TRAPPC9: variants seen among roughly 807,000 people sequenced by gnomAD.
The protein encoded by TRAPPC9 is trafficking protein particle complex subunit 9, also known as IKK2 binding protein.
Under a neutral mutation model 124.0 loss-of-function variants are expected in TRAPPC9, and 83 were observed. That is an observed-to-expected ratio of 0.67 (90% confidence interval 0.56 to 0.80). TRAPPC9 has a LOEUF of 0.80. Among genes scored for constraint, TRAPPC9 ranks in the 30% least tolerant of loss-of-function variants. The pLI, the probability that TRAPPC9 is intolerant of heterozygous loss-of-function variation, is 0.00. For synonymous variants in TRAPPC9, 638 were observed against 617.5 expected (o/e 1.03, Z -0.49); for missense variants, 1,302 against 1,508.3 (o/e 0.86, Z 2.27).
At chr8:140,265,846 T>C (rs2064633331) in intron 15 of TRAPPC9, among the ~76,000 whole-genome samples, 1 of 152,218 alleles carries the variant, frequency 6.6e-6, no homozygotes, top group Non-Finnish European at 1.5e-5. Flanking sequence ...GATGCTGTGG[T>C]ACAACATTCA....
intron 17 of TRAPPC9, among the ~76,000 whole-genome samples, chr8:140,188,246 C>A (rs2062395928): frequency 6.6e-6 from 1 of 152,184 alleles, no homozygotes; most frequent in African/African-American, 2.4e-5. Context: ...TTTAAACAAT[C>A]CCTGGTATCC....
intron 18 of TRAPPC9, among the ~76,000 whole-genome samples, chr8:139,998,128 T>TA (rs1387443542): frequency 6.6e-6 from 1 of 152,202 alleles, no homozygotes; most frequent in Non-Finnish European, 1.5e-5. Context: ...AGAATCCTCA[T>TA]AAAAAACCAC....
intron 16 of TRAPPC9, among the ~76,000 whole-genome samples, chr8:140,234,670 A>AAC (rs1229446925): frequency 1.2e-4 from 18 of 152,348 alleles, no homozygotes; most frequent in African/African-American, 4.1e-4. Context: ...ATTAGAAGAG[A>AAC]ACATTAAGAA....
chr8:139,977,173 G>A (rs1318820716), intron 19 of TRAPPC9, among the ~76,000 whole-genome samples: 1 of 152,180 alleles, frequency 6.6e-6, no homozygotes, highest in Non-Finnish European at 1.5e-5. Flanking sequence ...CTGGGGACGA[G>A]AGGGCTTGAA....
chr8:140,356,554 T>C (rs1316834819), intron 9 of TRAPPC9, among the ~76,000 whole-genome samples: 2 of 149,566 alleles, frequency 1.3e-5, no homozygotes, highest in Non-Finnish European at 2.9e-5. Flanking sequence ...AAAAACACGA[T>C]GCAGCATACG....
chr8:139,977,677 A>G (rs1368794874), intron 19 of TRAPPC9, among the ~76,000 whole-genome samples: 2 of 148,230 alleles, frequency 1.3e-5, no homozygotes, highest in African/African-American at 2.5e-5. Context: ...TCATTCATTC[A>G]TTCATTCATT....
chr8:140,349,708 A>G lies in TRAPPC9; in HGVS notation c.1495+10342T>C, dbSNP rs141678507. 2.0e-3 allele frequency among the ~76,000 whole-genome samples: 303 copies of G among 152,302 alleles called. 3 individuals carry two copies. Among genetic ancestry groups the G allele is most frequent in the African/African-American group, 7.0e-3 (292 of 41,566 alleles). On this transcript the variant is annotated intron_variant, in intron 9 of 22. Coordinates refer to ENST00000438773, the MANE Select transcript of TRAPPC9 (RefSeq NM_001160372.4). ...TTTGCGGCCCTTCCGCAACATTCCA[A>G]TGAGACACCAGGCCTGGCGAAGTCA...
intron 19 of TRAPPC9, among the ~76,000 whole-genome samples, chr8:139,928,406 C>T (rs1177013917): frequency 6.6e-6 from 1 of 151,960 alleles, no homozygotes; most frequent in East Asian, 1.9e-4. Flanking sequence ...GCAGGAGAAT[C>T]GCTTGAACCC....
chr8:140,435,019 T>C lies in TRAPPC9; in HGVS notation c.859+93A>G, dbSNP rs1019979992. On this transcript the variant is annotated intron_variant, in intron 4 of 22. Transcript: ENST00000438773. ...CAACAGATTTTACAGTTTATTTAAA[T>C]ATTAGTCCTAACTCAAAGGAAAAAG... 31 of 1,566,168 alleles carry C rather than the reference T, an allele frequency of 2.0e-5. No individual in the cohort carries two copies. In the African/African-American group the frequency reaches 3.1e-4, roughly 16 times the overall value.
intron 21 of TRAPPC9, among the ~76,000 whole-genome samples, chr8:139,876,848 G>C (rs571239698): frequency 6.6e-6 from 1 of 152,284 alleles, no homozygotes; most frequent in East Asian, 1.9e-4. Context: ...CTTTGTATCT[G>C]CTGTCCGCTA....
At chr8:139,789,371 C>G (rs1488684663) in intron 21 of TRAPPC9, among the ~76,000 whole-genome samples, 1 of 152,180 alleles carries the variant, frequency 6.6e-6, no homozygotes, top group African/African-American at 2.4e-5. Flanking sequence ...GGGATGTGGT[C>G]GAAGGGTGTG....
intron 19 of TRAPPC9, among the ~76,000 whole-genome samples, chr8:139,972,813 CTT>C (rs1334221364): frequency 4.6e-5 from 7 of 152,210 alleles, no homozygotes; most frequent in Non-Finnish European, 8.8e-5. Flanking sequence ...ACAAAAATTT[CTT>C]TTCCCATTAC....
intron 21 of TRAPPC9, among the ~76,000 whole-genome samples, chr8:139,797,622 T>C (rs183319619): frequency 6.6e-6 from 1 of 152,342 alleles, no homozygotes; most frequent in Admixed American, 6.5e-5. Context: ...CATTGCCAAA[T>C]TGAGGCCATG....
chr8:139,915,849 G>C (rs1170670610), intron 19 of TRAPPC9, among the ~76,000 whole-genome samples: 1 of 152,226 alleles, frequency 6.6e-6, no homozygotes, highest in Non-Finnish European at 1.5e-5. Flanking sequence ...ACAAGCCTTA[G>C]CTTCTCTACA....
intron 19 of TRAPPC9, among the ~76,000 whole-genome samples, chr8:139,919,162 G>A (rs926410773): frequency 1.3e-5 from 2 of 152,226 alleles, no homozygotes; most frequent in African/African-American, 4.8e-5. Context: ...GTGCTGTGCC[G>A]AGGAAGGGCA....
At chr8:140,313,908 T>C (rs1279068926) in intron 9 of TRAPPC9, among the ~76,000 whole-genome samples, 1 of 152,204 alleles carries the variant, frequency 6.6e-6, no homozygotes, top group East Asian at 1.9e-4. Flanking sequence ...GTGGGGTTTC[T>C]AGAGTCAAAC....
chr8:140,095,361 C>T (rs1176959210), intron 17 of TRAPPC9: 2 of 152,270 alleles, frequency 1.3e-5, no homozygotes, highest in Non-Finnish European at 2.9e-5. Context: ...GAGCAAGGCT[C>T]TTCCAGCAGA....
chr8:140,289,174 A>AGTGT lies in TRAPPC9; in HGVS notation c.1855-1444_1855-1441dup, dbSNP rs71320349. ...GGCATATGGGTTTAGATATATATATAGTGTGTGTGTGTGTGTGTGTGTGTG... is the reference window on the plus strand; with the variant it reads ...GGCATATGGGTTTAGATATATATATAGTGTGTGTGTGTGTGTGTGTGTGTGTGTG... On this transcript the variant is annotated intron_variant, in intron 12 of 22. Coordinates refer to ENST00000438773, the MANE Select transcript of TRAPPC9 (RefSeq NM_001160372.4). Among the ~76,000 whole-genome samples the AGTGT allele has an allele frequency of 8.7e-3, 1,285 of 148,398 alleles. 9 individuals are homozygous for AGTGT. Among genetic ancestry groups the AGTGT allele is most frequent in the East Asian group, 0.01 (51 of 5,026 alleles).
chr8:140,205,482 G>C (rs1240045780), intron 17 of TRAPPC9, among the ~76,000 whole-genome samples: 5 of 152,210 alleles, frequency 3.3e-5, no homozygotes, highest in Non-Finnish European at 7.3e-5. Context: ...CTCTGATCCA[G>C]AGGAAATCGT....
Sources: gnomAD v4.1 joint callset for allele counts (sites outside exome capture counted in the v4.1 genomes callset) on GRCh38, gnomAD v4.1.1 for gene constraint, MANE v1.5 for transcripts, NCBI Gene and HGNC (gene_info 2026-07-23, HGNC 2026-07-21) for gene names.